Variants in HLCS observed in about 807,000 individuals in gnomAD.
HLCS encodes the protein biotin--protein ligase.
A neutral mutation model predicts 75.0 loss-of-function variants in HLCS; 53 were observed. The ratio of observed to expected loss-of-function variants is 0.71; its 90% CI spans 0.57 to 0.89. The LOEUF is 0.89. Among genes scored for constraint, HLCS ranks in the 40% least tolerant of loss-of-function variants. The pLI is 0.00. For synonymous variants in HLCS, 431 were observed against 428.6 expected (o/e 1.01, Z -0.07); for missense variants, 966 against 1,074.0 (o/e 0.90, Z 1.41).
chr21:36,872,475 T>G (rs567652599), intron 6 of HLCS, among the ~76,000 whole-genome samples: 37 of 152,124 alleles, frequency 2.4e-4, no homozygotes, highest in Non-Finnish European at 1.6e-4. Context: ...TACCTTGATA[T>G]GCTAAGATCT....
chr21:36,966,324 G>C (rs1395563747), intron 1 of HLCS, 120 bp downstream of exon 1: 1 of 345,550 alleles, frequency 2.9e-6, no homozygotes, highest in African/African-American at 2.2e-5. Context: ...CGCACAGGCC[G>C]CACTGAGGGC....
chr21:36,866,840 G>A (rs997482616), intron 6 of HLCS, among the ~76,000 whole-genome samples: 4 of 136,058 alleles, frequency 2.9e-5, no homozygotes, highest in African/African-American at 1.1e-4. Flanking sequence ...AATTTGAGTA[G>A]TTTTTTTTTT....
chr21:36,873,701 T>C (rs2063851448), intron 6 of HLCS, among the ~76,000 whole-genome samples: 1 of 152,194 alleles, frequency 6.6e-6, no homozygotes, highest in Admixed American at 6.5e-5. Flanking sequence ...ACTGCAGCCC[T>C]GACCTTTTAG....
chr21:36,948,917 G>A (rs532535458), intron 2 of HLCS, among the ~76,000 whole-genome samples: 7 of 152,058 alleles, frequency 4.6e-5, no homozygotes, highest in Non-Finnish European at 8.8e-5. Context: ...TCAGGGAAAG[G>A]GCAGGTCTCG....
rs945309850 is a variant in HLCS at position 36,749,012 on chromosome 21, T to G, written c.*5234A>C. ...GCAATACGGAACACTGTCAATGGACTGCACCTTGTGAAGGAAAAACATGCT... is the reference window on the plus strand; with the variant it reads ...GCAATACGGAACACTGTCAATGGACGGCACCTTGTGAAGGAAAAACATGCT... On this transcript the variant is annotated 3_prime_UTR_variant, in exon 11 of 11. Coordinates refer to ENST00000674895, the MANE Select transcript of HLCS (RefSeq NM_001352514.2). 1 of 152,666 alleles carries G rather than the reference T, an allele frequency of 6.6e-6. No individual in the cohort carries two copies. The highest frequency in any genetic ancestry group is 2.4e-5 in the African/African-American group (1 of 41,468). The allele number at this position is 152,666 out of a possible 1,614,324, so 9.5% of individuals were successfully genotyped here.
intron 8 of HLCS, among the ~76,000 whole-genome samples, chr21:36,762,601 T>A (rs1200068443): frequency 2.6e-5 from 4 of 152,212 alleles, no homozygotes; most frequent in Non-Finnish European, 1.5e-5. Flanking sequence ...AGGGGCCTAT[T>A]TCAATCAAAG....
chr21:36,883,877 G>C (rs1039975644), intron 6 of HLCS, among the ~76,000 whole-genome samples: 7 of 152,208 alleles, frequency 4.6e-5, no homozygotes, highest in Non-Finnish European at 1.0e-4. Context: ...CAAGAATCCA[G>C]TGAAAGAGCA....
At chr21:36,894,987 T>G (rs979185694) in intron 6 of HLCS, among the ~76,000 whole-genome samples, 4 of 152,092 alleles carry the variant, frequency 2.6e-5, no homozygotes, top group African/African-American at 9.7e-5. Context: ...TCTGCGGATG[T>G]GCGGGAGCCT....
intron 6 of HLCS, among the ~76,000 whole-genome samples, chr21:36,840,849 G>A (rs55823704): frequency 0.028 from 4,286 of 152,198 alleles, 72 homozygotes; most frequent in African/African-American, 0.047. Flanking sequence ...TTGACCTCAG[G>A]TGATCTGCCT....
At chr21:36,956,250 A>G (rs957856566) in intron 2 of HLCS, among the ~76,000 whole-genome samples, 1 of 151,714 alleles carries the variant, frequency 6.6e-6, no homozygotes, top group African/African-American at 2.4e-5. Flanking sequence ...AGATGGACTC[A>G]GGGGGTGGGG....
At chr21:36,801,907 T>C (rs1449099518) in intron 6 of HLCS, among the ~76,000 whole-genome samples, 1 of 152,156 alleles carries the variant, frequency 6.6e-6, no homozygotes. Context: ...GTATTGGGAC[T>C]ACAGGTGTGA....
chr21:36,765,284 A>G, intron 7 of HLCS, 112 bp from the exon 8 acceptor site: 1 of 979,248 alleles, frequency 1.0e-6, no homozygotes, highest in Non-Finnish European at 1.6e-6. Context: ...TACAATGCTT[A>G]TTGTATTACA....
chr21:36,863,001 C>T (rs2146198040), intron 6 of HLCS, among the ~76,000 whole-genome samples: 1 of 149,150 alleles, frequency 6.7e-6, no homozygotes, highest in African/African-American at 2.5e-5. Flanking sequence ...AGGCCTCAAG[C>T]GATCCTCCCA....
At chr21:36,847,343 T>C (rs1041483256) in intron 6 of HLCS, among the ~76,000 whole-genome samples, 1 of 152,224 alleles carries the variant, frequency 6.6e-6, no homozygotes, top group Non-Finnish European at 1.5e-5. Context: ...AGCAGCACGC[T>C]AGAATCAACA....
chr21:36,772,695 G>A (rs1165053304), intron 6 of HLCS, among the ~76,000 whole-genome samples: 1 of 151,066 alleles, frequency 6.6e-6, no homozygotes, highest in Admixed American at 6.6e-5. Context: ...TCTCAAGAAG[G>A]TGGAAGAGGC....
intron 6 of HLCS, among the ~76,000 whole-genome samples, chr21:36,799,906 C>T (rs547287241): frequency 6.6e-6 from 1 of 152,274 alleles, no homozygotes; most frequent in South Asian, 2.1e-4. Flanking sequence ...CAGTAACTAG[C>T]CAAAATCATA....
At chr21:36,910,221 G>C (rs1302659487) in intron 5 of HLCS, among the ~76,000 whole-genome samples, 1 of 152,218 alleles carries the variant, frequency 6.6e-6, no homozygotes, top group Non-Finnish European at 1.5e-5. Flanking sequence ...GACAAAGCCA[G>C]ATGGCACAGC....
chr21:36,916,804 C>G (rs1202092572), intron 5 of HLCS, among the ~76,000 whole-genome samples: 1 of 152,150 alleles, frequency 6.6e-6, no homozygotes, highest in Non-Finnish European at 1.5e-5. Context: ...CCATCACAAA[C>G]TAGTAGGCTA....
chr21:36,975,477 A>T (rs1430249560), intron 1 of HLCS, among the ~76,000 whole-genome samples: 1 of 152,134 alleles, frequency 6.6e-6, no homozygotes, highest in African/African-American at 2.4e-5. Context: ...CCTAAAGCAC[A>T]GCGCTCATCC....
Sources: allele counts gnomAD v4.1 joint callset (sites outside exome capture counted in the v4.1 genomes callset), GRCh38; gene constraint gnomAD v4.1.1; transcripts MANE v1.5; gene names NCBI Gene and HGNC (gene_info 2026-07-23, HGNC 2026-07-21).